PRSS12: variants seen among roughly 807,000 people sequenced by gnomAD.
The protein encoded by PRSS12 is serine protease 12.
PRSS12 carries 85 observed loss-of-function variants against 104.4 expected under a neutral mutation model. The ratio of observed to expected loss-of-function variants is 0.81; its 90% confidence interval spans 0.68 to 0.98. PRSS12 has a LOEUF of 0.98. Ranked by LOEUF, PRSS12 falls within the 50% of genes least tolerant of loss-of-function variation. The probability of loss-of-function intolerance (pLI) is 0.00; values close to 1 mark genes in which losing one functional copy is unlikely to be tolerated. For synonymous variants in PRSS12, 454 were observed against 425.2 expected (o/e 1.07, Z -0.83); for missense variants, 1,141 against 1,139.2 (o/e 1.00, Z -0.02).
chr4:118,312,810 A>G (rs544778031), intron 7 of PRSS12: 1 of 251,260 alleles, frequency 4.0e-6, no homozygotes, highest in African/African-American at 2.3e-5. Flanking sequence ...AGACAGGGAG[A>G]GGAGAATATT....
chr4:118,347,755 T>C (rs1724394427), intron 1 of PRSS12, among the ~76,000 whole-genome samples: 1 of 152,208 alleles, frequency 6.6e-6, no homozygotes, highest in South Asian at 2.1e-4. Context: ...GTGTCATGAC[T>C]ATAGCTCACT....
At position 118,347,668 on chromosome 4, in the gene PRSS12, A is replaced by C. The variant is rs1724391968; in HGVS notation, c.502+4551T>G. On this transcript the variant is annotated intron_variant, in intron 1 of 12. Coordinates refer to ENST00000296498, the MANE Select transcript of PRSS12 (RefSeq NM_003619.4). Reference sequence around the variant, plus strand: ...TAGGCAGGAAACACTAAGTTATTGCAATCTATCGTGTTTTGTTGTGTTTGT... The same window carrying C: ...TAGGCAGGAAACACTAAGTTATTGCCATCTATCGTGTTTTGTTGTGTTTGT... Among the ~76,000 whole-genome samples the C allele has an allele frequency of 3.3e-5, 5 of 152,266 alleles. No homozygotes were observed. The South Asian group carries it at 1.0e-3, about 32-fold the overall frequency.
At chr4:118,321,834 T>C (rs1054863310) in intron 4 of PRSS12, among the ~76,000 whole-genome samples, 3 of 152,200 alleles carry the variant, frequency 2.0e-5, no homozygotes, top group African/African-American at 7.2e-5. Flanking sequence ...CATTTATTTA[T>C]TTATTTTAAA....
intron 4 of PRSS12, among the ~76,000 whole-genome samples, chr4:118,322,181 GA>G (rs562712676): frequency 3.7e-3 from 557 of 152,168 alleles, no homozygotes; most frequent in Non-Finnish European, 4.8e-3. Context: ...ACAAGGCTAT[GA>G]AAAAAATTCA....
At chr4:118,325,909 C>T (rs1224659020) in intron 4 of PRSS12, among the ~76,000 whole-genome samples, 1 of 149,948 alleles carries the variant, frequency 6.7e-6, no homozygotes, top group East Asian at 1.9e-4. Flanking sequence ...ACCTACATAA[C>T]AGCAATCCTC....
At chr4:118,342,992 C>G (rs535151799) in intron 1 of PRSS12, among the ~76,000 whole-genome samples, 1 of 152,310 alleles carries the variant, frequency 6.6e-6, no homozygotes, top group Admixed American at 6.5e-5. Flanking sequence ...AAGAAGAGTT[C>G]TCTTTAACCA....
chr4:118,334,045 G>A (rs1229532412), intron 3 of PRSS12, among the ~76,000 whole-genome samples: 2 of 152,118 alleles, frequency 1.3e-5, no homozygotes, highest in African/African-American at 2.4e-5. Context: ...GACACTAAGT[G>A]TAATTCCCAA....
At chr4:118,318,022 C>G (rs545149998) in intron 5 of PRSS12, among the ~76,000 whole-genome samples, 2 of 152,278 alleles carry the variant, frequency 1.3e-5, no homozygotes, top group African/African-American at 4.8e-5. Context: ...TAAACACATT[C>G]TGAGTCAAGA....
intron 8 of PRSS12, 117 bp from the exon 9 acceptor site, chr4:118,299,055 T>C (rs1743326069): frequency 8.4e-7 from 1 of 1,183,450 alleles, no homozygotes; most frequent in Non-Finnish European, 1.2e-6. Flanking sequence ...AGCATCTGCA[T>C]GTGCTAAAAA....
At chr4:118,283,675 G>A (rs974929501) in intron 11 of PRSS12, among the ~76,000 whole-genome samples, 1 of 152,116 alleles carries the variant, frequency 6.6e-6, no homozygotes. Flanking sequence ...TCACCTCAAT[G>A]AAGCCTACTT....
chr4:118,335,459 T>G lies in PRSS12; in HGVS notation c.820+14A>C, dbSNP rs758069261. The G allele has an allele frequency of 1.1e-5, 17 of 1,610,094 alleles. No individual in the cohort carries two copies. The highest frequency in any genetic ancestry group is 1.1e-5 in the Non-Finnish European group (13 of 1,177,910). On this transcript the variant is annotated intron_variant, in intron 3 of 12. Coordinates refer to ENST00000296498, the MANE Select transcript of PRSS12 (RefSeq NM_003619.4). ...AATGAAAGTAAAACAACAGAACTTT[T>G]TTCTTTTTTTTACCATGGGAAAAGC...
Position 118,316,282 on chromosome 4 carries a change from C to T in PRSS12, c.1192G>A (p.Gly398Ser). ...RLAGGKGSHE[G>S]RLEVYYRGQW... ...CCTCTGTAATATACCTCCAAGCGACCCTCATGGCTGCCTTTCCCACCTGCA... is the reference window on the plus strand; with the variant it reads ...CCTCTGTAATATACCTCCAAGCGACTCTCATGGCTGCCTTTCCCACCTGCA... The change falls in exon 6 of 13, where the codon GGT (glycine) becomes AGT (serine). Residue 398 changes from glycine (G) to serine (S), a missense_variant. Coordinates refer to ENST00000296498, the MANE Select transcript of PRSS12 (RefSeq NM_003619.4). The T allele has an allele frequency of 6.2e-7, 1 of 1,614,066 alleles. No homozygotes were observed. The highest frequency in any genetic ancestry group is 2.2e-5 in the East Asian group (1 of 44,872).
At chr4:118,345,749 G>T (rs925778039) in intron 1 of PRSS12, among the ~76,000 whole-genome samples, 4 of 152,022 alleles carry the variant, frequency 2.6e-5, no homozygotes, top group African/African-American at 9.7e-5. Context: ...AAAAAAAAAT[G>T]AATGTAACAT....
chr4:118,308,801 C>T (rs560129665), intron 7 of PRSS12, among the ~76,000 whole-genome samples: 32 of 152,266 alleles, frequency 2.1e-4, no homozygotes, highest in African/African-American at 7.7e-4. Flanking sequence ...CTTGTATCCC[C>T]AGACTGTGGA....
chr4:118,318,912 CAT>C (rs1251107171), intron 4 of PRSS12, among the ~76,000 whole-genome samples: 1 of 152,148 alleles, frequency 6.6e-6, no homozygotes, highest in Non-Finnish European at 1.5e-5. Flanking sequence ...ATAAACATAA[CAT>C]AAAGTTTACC....
intron 10 of PRSS12, 29 bp downstream of exon 10, chr4:118,295,749 T>TA (rs1365439978): frequency 4.4e-6 from 7 of 1,578,098 alleles, no homozygotes; most frequent in African/African-American, 1.3e-5. Context: ...TTCTGTAATA[T>TA]AAAAAATCTC....
intron 7 of PRSS12, among the ~76,000 whole-genome samples, chr4:118,310,516 T>C (rs11947394): frequency 0.31 from 47,278 of 152,030 alleles, 7,681 homozygotes; most frequent in East Asian, 0.52. Flanking sequence ...ACGTTGTCAC[T>C]ATTAAGTTTG....
rs757690423 is a variant in PRSS12, at chr4:118,352,236, T to C, written c.485A>G (p.Tyr162Cys). 5 of 1,612,128 alleles carry C rather than the reference T, an allele frequency of 3.1e-6. No homozygotes were observed. In the South Asian group the frequency reaches 3.3e-5, roughly 11 times the overall value. The part of the protein sequence containing the change: ...GDARGKVDWG[Y>C]CDCRHGSVRL... ...CCACTAACCGTGTCTGCAGTCGCAGTAGCCCCAGTCCACCTTGCCACGGGC... is the reference window on the plus strand; with the variant it reads ...CCACTAACCGTGTCTGCAGTCGCAGCAGCCCCAGTCCACCTTGCCACGGGC... Residue 162 changes from tyrosine to cysteine, a missense_variant, in exon 1 of 13, where the codon TAC becomes TGC. By Grantham distance (194) the Tyr-to-Cys change is radical. Transcript: ENST00000296498.
intron 8 of PRSS12, chr4:118,303,981 G>A (rs946582157): frequency 1.4e-4 from 21 of 151,578 alleles, no homozygotes; most frequent in African/African-American, 5.1e-4. Flanking sequence ...AGAAATGAGA[G>A]CTTTGGTAAA....
Sources: gnomAD v4.1 joint callset for allele counts (sites outside exome capture counted in the v4.1 genomes callset) on GRCh38, gnomAD v4.1.1 for gene constraint, MANE v1.5 for transcripts, NCBI Gene and HGNC (gene_info 2026-07-23, HGNC 2026-07-21) for gene names.